Variants in ANTXR1 observed in about 807,000 individuals in gnomAD.
ANTXR1 encodes the protein ANTXR cell adhesion molecule 1, also known as anthrax toxin receptor 1.
ANTXR1 carries 19 observed loss-of-function variants against 78.1 expected under a neutral mutation model. The observed-to-expected ratio is 0.24, with a 90% CI of 0.17 to 0.36. The LOEUF is 0.36. Among genes scored for constraint, ANTXR1 ranks in the 10% least tolerant of loss-of-function variants. The pLI, the probability that ANTXR1 is intolerant of heterozygous loss-of-function variation, is 1.00. For missense variants in ANTXR1, 518 were observed against 718.6 expected (o/e 0.72, Z 3.19); for synonymous variants, 273 against 260.5 (o/e 1.05, Z -0.46).
intron 8 of ANTXR1, among the ~76,000 whole-genome samples, chr2:69,083,600 G>A (rs1404914315): frequency 6.6e-6 from 1 of 152,072 alleles, no homozygotes; most frequent in Non-Finnish European, 1.5e-5. Flanking sequence ...TGCCCTATGT[G>A]TCATATTTCC....
At chr2:69,233,177 C>T (rs1382212632) in intron 17 of ANTXR1, among the ~76,000 whole-genome samples, 28 of 152,032 alleles carry the variant, frequency 1.8e-4, no homozygotes, top group Admixed American at 1.7e-3. Flanking sequence ...AGAGAATTAT[C>T]TCATGCTTGT....
intron 1 of ANTXR1, among the ~76,000 whole-genome samples, chr2:69,025,705 C>T (rs1671320779): frequency 1.3e-5 from 2 of 152,118 alleles, no homozygotes; most frequent in African/African-American, 4.8e-5. Flanking sequence ...TAAAATGAAA[C>T]TTCAGATGCT....
intron 17 of ANTXR1, among the ~76,000 whole-genome samples, chr2:69,219,447 T>G (rs375367710): frequency 1.2e-3 from 154 of 133,678 alleles, no homozygotes; most frequent in African/African-American, 4.1e-3. Context: ...TTAGGTTATC[T>G]ATCTCCCTTA....
chr2:69,237,929 T>C (rs1039554330), intron 17 of ANTXR1, among the ~76,000 whole-genome samples: 1 of 152,208 alleles, frequency 6.6e-6, no homozygotes, highest in Non-Finnish European at 1.5e-5. Context: ...AGGGAAAGGC[T>C]GAAAGCAGGA....
intron 10 of ANTXR1, among the ~76,000 whole-genome samples, chr2:69,109,052 G>A (rs1020255367): frequency 5.9e-5 from 9 of 152,166 alleles, no homozygotes; most frequent in South Asian, 2.1e-4. Flanking sequence ...TGGCTCTGTC[G>A]TATCTAGCTG....
In ANTXR1 at chr2:69,159,540, A is replaced by C. The variant is rs1285785076; in HGVS notation, c.1047+7276A>C. On this transcript the variant is annotated intron_variant, in intron 13 of 17. Coordinates refer to ENST00000303714, the MANE Select transcript of ANTXR1 (RefSeq NM_032208.3). ...AGTTCTTTTAACCACAATTAAAAAG[A>C]AAAAAAAAATCCTGCTTTTAAAGCT... 8.4e-5 allele frequency among the ~76,000 whole-genome samples: 9 copies of C among 107,300 alleles called. No homozygotes were observed. The East Asian group carries it at 1.2e-3, about 15-fold the overall frequency. The allele number at this position is 107,300 out of a possible 152,430, so 70.4% of individuals were successfully genotyped here. A position where few individuals can be genotyped will look rare whatever the true frequency, so the allele number is the denominator to read the frequency against.
chr2:69,181,118 G>A (rs756088254), intron 14 of ANTXR1, among the ~76,000 whole-genome samples: 4 of 152,214 alleles, frequency 2.6e-5, no homozygotes, highest in Admixed American at 1.3e-4. Flanking sequence ...GCTTTGTGGA[G>A]AACAGATCAT....
intron 17 of ANTXR1, among the ~76,000 whole-genome samples, chr2:69,234,944 C>T: frequency 7.2e-6 from 1 of 139,146 alleles, no homozygotes; most frequent in African/African-American, 2.8e-5. Flanking sequence ...AGTCCACATT[C>T]TATAAACATT....
At chr2:69,063,971 C>T (rs1374001313) in intron 3 of ANTXR1, among the ~76,000 whole-genome samples, 1 of 151,216 alleles carries the variant, frequency 6.6e-6, no homozygotes, top group Non-Finnish European at 1.5e-5. Flanking sequence ...AATACATGAT[C>T]AATGCAAAAG....
At chr2:69,048,258 G>A (rs1669833017) in intron 3 of ANTXR1, among the ~76,000 whole-genome samples, 1 of 152,004 alleles carries the variant, frequency 6.6e-6, no homozygotes, top group Admixed American at 6.6e-5. Context: ...TTTGCCTTTT[G>A]TTAAGATGGT....
At chr2:69,184,774 C>CA (rs1674379753) in intron 16 of ANTXR1, among the ~76,000 whole-genome samples, 2 of 152,178 alleles carry the variant, frequency 1.3e-5, no homozygotes, top group African/African-American at 4.8e-5. Flanking sequence ...ATTCATTGTG[C>CA]AGCTACTGTG....
intron 1 of ANTXR1, among the ~76,000 whole-genome samples, chr2:69,015,980 A>G (rs1228359761): frequency 1.3e-5 from 2 of 152,210 alleles, no homozygotes; most frequent in African/African-American, 2.4e-5. Context: ...AAATCAAACA[A>G]TATGATTTTT....
At chr2:69,134,124 C>T (rs938971485) in intron 12 of ANTXR1, among the ~76,000 whole-genome samples, 1 of 152,068 alleles carries the variant, frequency 6.6e-6, no homozygotes, top group African/African-American at 2.4e-5. Flanking sequence ...GTGATGGGAC[C>T]TCTCAACTTG....
At position 69,193,316 on chromosome 2, in the gene ANTXR1, T is replaced by C; in HGVS notation, c.1354-19T>C. ...GGTCTGGTTTCATATGTAATCTTGG[T>C]GCATTTGTTTTATTTCAGGGAAAAC... is the stretch of plus-strand genomic sequence containing the variant. On this transcript the variant is annotated intron_variant, in intron 16 of 17. Coordinates refer to ENST00000303714, the MANE Select transcript of ANTXR1 (RefSeq NM_032208.3). 1 of 1,612,996 alleles carries C rather than the reference T, an allele frequency of 6.2e-7. No homozygotes were observed. The highest frequency in any genetic ancestry group is 8.5e-7 in the Non-Finnish European group (1 of 1,179,016).
chr2:69,237,710 C>T (rs1031030889), intron 17 of ANTXR1, among the ~76,000 whole-genome samples: 1 of 152,178 alleles, frequency 6.6e-6, no homozygotes, highest in Non-Finnish European at 1.5e-5. Flanking sequence ...CATGAGCCAC[C>T]TCACCTGGCC....
intron 1 of ANTXR1, among the ~76,000 whole-genome samples, chr2:69,032,883 T>A (rs974026914): frequency 6.6e-6 from 1 of 152,194 alleles, no homozygotes; most frequent in Non-Finnish European, 1.5e-5. Context: ...CTTGACACAG[T>A]ACATATACAA....
At chr2:69,063,982 G>A (rs74431579) in intron 3 of ANTXR1, among the ~76,000 whole-genome samples, 2,709 of 151,348 alleles carry the variant, frequency 0.018, 102 homozygotes, top group East Asian at 0.17. Context: ...AATGCAAAAG[G>A]ATATAGGAAA....
chr2:69,070,762 A>G (rs774538022), intron 4 of ANTXR1, 34 bp downstream of exon 4: 30 of 1,593,972 alleles, frequency 1.9e-5, no homozygotes, highest in African/African-American at 1.3e-5. Context: ...CCAAATATAA[A>G]GCATGATATT....
rs1676089693 is a variant in ANTXR1, at chr2:69,249,320, T to C, written c.*3835T>C. The C allele has an allele frequency of 6.6e-6, 1 of 152,210 alleles. No individual in the cohort carries two copies. Among genetic ancestry groups the C allele is most frequent in the South Asian group, 2.1e-4 (1 of 4,826 alleles). The allele number at this position is 152,210 out of a possible 1,614,324, so 9.4% of individuals were successfully genotyped here. ...TTTTTAAAAAAAATAATAAATTTCT[T>C]AAATCAACTCTTTTTTCTGGTTATT... On this transcript the variant is annotated 3_prime_UTR_variant, in exon 18 of 18. Transcript: ENST00000303714.
Sources: allele counts gnomAD v4.1 joint callset (sites outside exome capture counted in the v4.1 genomes callset), GRCh38; gene constraint gnomAD v4.1.1; transcripts MANE v1.5; gene names NCBI Gene and HGNC (gene_info 2026-07-23, HGNC 2026-07-21).